GLTP: variants seen among roughly 807,000 people sequenced by gnomAD.
GLTP encodes glycolipid transfer protein.
In GLTP, 22 loss-of-function variants were observed where a neutral mutation model predicts 24.0. The ratio of observed to expected loss-of-function variants is 0.92; its 90% CI spans 0.65 to 1.31. GLTP has a LOEUF of 1.31. GLTP is among the 50% of genes most tolerant of loss of function. GLTP has a pLI of 0.00. For missense variants in GLTP, 224 were observed against 276.6 expected (o/e 0.81, Z 1.35); for synonymous variants, 92 against 115.9 (o/e 0.79, Z 1.33).
In GLTP at chr12:109,855,615, T is replaced by G; in HGVS notation, c.447+4A>C. Reference sequence around the variant, plus strand: ...GTCCTTTGGGGCTCATGGGGGTGGCTCACCTGGAAGATCTTCTGCACGATC... The same window carrying G: ...GTCCTTTGGGGCTCATGGGGGTGGCGCACCTGGAAGATCTTCTGCACGATC... On this transcript the variant is annotated splice_donor_region_variant and intron_variant, in intron 4 of 4. Transcript: ENST00000318348. The surrounding 1 kb of genome is among the most constrained non-coding windows in gnomAD (Gnocchi z 4.1). 2 of 1,535,920 alleles carry G rather than the reference T, an allele frequency of 1.3e-6. No individual in the cohort carries two copies. Among genetic ancestry groups the G allele is most frequent in the Non-Finnish European group, 1.8e-6 (2 of 1,138,284 alleles).
intron 1 of GLTP, among the ~76,000 whole-genome samples, chr12:109,864,824 GTTTAT>G (rs1465942352): frequency 6.6e-6 from 1 of 152,066 alleles, no homozygotes; most frequent in Non-Finnish European, 1.5e-5. Context: ...TTTTCTAATA[GTTTAT>G]TTTATTTATT....
At chr12:109,863,461 C>A (rs964141028) in intron 1 of GLTP, among the ~76,000 whole-genome samples, 1 of 152,132 alleles carries the variant, frequency 6.6e-6, no homozygotes, top group East Asian at 1.9e-4. Context: ...GATGCCTGAC[C>A]CCAGTTGGTA....
intron 1 of GLTP, among the ~76,000 whole-genome samples, chr12:109,870,906 T>G (rs1043810908): frequency 6.6e-6 from 1 of 152,108 alleles, no homozygotes; most frequent in Admixed American, 6.6e-5. Flanking sequence ...TGGAGAGGGC[T>G]GATCCACTGC....
intron 1 of GLTP, among the ~76,000 whole-genome samples, chr12:109,865,873 T>C (rs906799539): frequency 6.6e-6 from 1 of 152,208 alleles, no homozygotes; most frequent in African/African-American, 2.4e-5. Flanking sequence ...TTCTGTTTAA[T>C]GGAGAAGGCT....
At chr12:109,858,559 TC>T in intron 2 of GLTP, 123 bp downstream of exon 2, 1 of 741,744 alleles carries the variant, frequency 1.3e-6, no homozygotes, top group Admixed American at 1.9e-5. Context: ...GGGCCCATCT[TC>T]CATGTCTCCA....
chr12:109,869,199 C>A (rs752164632), intron 1 of GLTP, among the ~76,000 whole-genome samples: 1 of 149,460 alleles, frequency 6.7e-6, no homozygotes, highest in Non-Finnish European at 1.5e-5. Context: ...TCTCAGGAGG[C>A]TGAGGCAGGA....
At chr12:109,858,583 G>T in intron 2 of GLTP, 100 bp downstream of exon 2, 1 of 846,672 alleles carries the variant, frequency 1.2e-6, no homozygotes. Flanking sequence ...CCCTTCCTTG[G>T]GGTGGGAAGC....
rs775988610 is a variant in GLTP, at chr12:109,855,797, T to C, written c.297-28A>G. On this transcript the variant is annotated intron_variant, in intron 3 of 4. Transcript: ENST00000318348. The surrounding 1 kb of genome is among the most constrained non-coding windows in gnomAD (Gnocchi z 4.1). The stretch of plus-strand genomic sequence containing the variant: ...GTGGCCCAGGGAGGAGAAGGTTCGT[T>C]AGGACCCTGCACAGCCCTGTCGTGA... The C allele has an allele frequency of 1.1e-5, 17 of 1,552,678 alleles. No individual in the cohort carries two copies. Among genetic ancestry groups the C allele is most frequent in the Middle Eastern group, 1.7e-4 (1 of 5,744 alleles).
At chr12:109,868,727 T>C (rs1330905149) in intron 1 of GLTP, among the ~76,000 whole-genome samples, 1 of 152,196 alleles carries the variant, frequency 6.6e-6, no homozygotes, top group African/African-American at 2.4e-5. Flanking sequence ...TTTTCATAGC[T>C]GGATAATAAA....
chr12:109,867,521 A>C (rs1189067889), intron 1 of GLTP, among the ~76,000 whole-genome samples: 1 of 152,150 alleles, frequency 6.6e-6, no homozygotes, highest in African/African-American at 2.4e-5. Flanking sequence ...GGTATGCACC[A>C]ATGAGGGGTT....
chr12:109,880,169 C>G lies in GLTP; in HGVS notation c.103+103G>C, dbSNP rs1208952368. ...ATCTTGGGTGCCTGGGGAAACAGTA[C>G]TTAGGGGTGTCTAGGGCAGAGATGG... On this transcript the variant is annotated intron_variant, in intron 1 of 4. Coordinates refer to ENST00000318348, the MANE Select transcript of GLTP (RefSeq NM_016433.4). The surrounding 1 kb of genome is among the most constrained non-coding windows in gnomAD (Gnocchi z 5.1). The G allele has an allele frequency of 1.5e-6, 1 of 679,970 alleles. No individual in the cohort carries two copies. Among genetic ancestry groups the G allele is most frequent in the Non-Finnish European group, 2.6e-6 (1 of 389,552 alleles). 42.1% of individuals were successfully genotyped at this position (679,970 alleles called of 1,614,324 possible).
intron 1 of GLTP, among the ~76,000 whole-genome samples, chr12:109,861,979 G>A (rs1037818326): frequency 6.6e-6 from 1 of 152,166 alleles, no homozygotes; most frequent in Non-Finnish European, 1.5e-5. Context: ...GTGAGGCCCC[G>A]CTAGGGCTGG....
chr12:109,873,053 C>T (rs1018580581), intron 1 of GLTP, among the ~76,000 whole-genome samples: 1 of 152,116 alleles, frequency 6.6e-6, no homozygotes, highest in Non-Finnish European at 1.5e-5. Flanking sequence ...AGCTCCTCAG[C>T]TATCATTAGC....
Position 109,867,969 on chromosome 12 carries a change from G to T in GLTP, c.104-9228C>A, listed in dbSNP as rs563837571. Among the ~76,000 whole-genome samples the T allele has an allele frequency of 2.0e-5, 3 of 152,256 alleles. No individual in the cohort carries two copies. In the East Asian group the frequency reaches 5.8e-4, roughly 29 times the overall value. On this transcript the variant is annotated intron_variant, in intron 1 of 4. Coordinates refer to ENST00000318348, the MANE Select transcript of GLTP (RefSeq NM_016433.4). ...ATTTTTTGTATTTTTAGTAGAGACA[G>T]GGTTTCACCGTGTTAGCCAGGATGG...
At chr12:109,869,339 AAG>A (rs1385248987) in intron 1 of GLTP, among the ~76,000 whole-genome samples, 4 of 150,016 alleles carry the variant, frequency 2.7e-5, no homozygotes, top group Admixed American at 1.3e-4. Flanking sequence ...GAAAGAAAGA[AAG>A]AGAAAGAAAA....
At chr12:109,858,052 GTTCCGAGGA>G (rs780208243) in intron 2 of GLTP, 3 of 450,624 alleles carry the variant, frequency 6.7e-6, no homozygotes, top group Non-Finnish European at 1.3e-5. Flanking sequence ...GTGGAAATAG[GTTCCGAGGA>G]TTCCAAGAAG....
At position 109,880,133 on chromosome 12, in the gene GLTP, A is replaced by G; in HGVS notation, c.103+139T>C. Reference sequence around the variant, plus strand: ...GAAAGGGAGAATTTAGGGTGAGTGGAGGGAAAGAGGATCTTGGGTGCCTGG... The same window carrying G: ...GAAAGGGAGAATTTAGGGTGAGTGGGGGGAAAGAGGATCTTGGGTGCCTGG... On this transcript the variant is annotated intron_variant, in intron 1 of 4. Coordinates refer to ENST00000318348, the MANE Select transcript of GLTP (RefSeq NM_016433.4). The surrounding 1 kb of genome is among the most constrained non-coding windows in gnomAD (Gnocchi z 5.1). The G allele has an allele frequency of 1.7e-6, 1 of 574,038 alleles. No individual in the cohort carries two copies. The highest frequency in any genetic ancestry group is 3.1e-6 in the Non-Finnish European group (1 of 318,552). The allele number at this position is 574,038 out of a possible 1,614,324, so 35.6% of individuals were successfully genotyped here.
chr12:109,872,483 C>T (rs1334649230), intron 1 of GLTP, among the ~76,000 whole-genome samples: 1 of 152,182 alleles, frequency 6.6e-6, no homozygotes, highest in Non-Finnish European at 1.5e-5. Flanking sequence ...CTTCTCCCCT[C>T]TGAGCCTCAA....
intron 1 of GLTP, among the ~76,000 whole-genome samples, chr12:109,869,012 C>A (rs1423192984): frequency 6.6e-6 from 1 of 152,064 alleles, no homozygotes; most frequent in Non-Finnish European, 1.5e-5. Context: ...AAAAACTTCA[C>A]CCCCGGGCCA....
Sources: gnomAD v4.1 joint callset for allele counts (sites outside exome capture counted in the v4.1 genomes callset) on GRCh38, gnomAD v4.1.1 for gene constraint, Gnocchi (gnomAD v3.1) non-coding constraint, MANE v1.5 for transcripts, NCBI Gene and HGNC (gene_info 2026-07-23, HGNC 2026-07-21) for gene names.